The following NMNAT3 variants were observed in gnomAD, a reference collection of about 807,000 sequenced individuals.
The protein encoded by NMNAT3 is nicotinamide nucleotide adenylyltransferase 3.
In NMNAT3, 21 loss-of-function variants were observed where a neutral mutation model predicts 24.8. The observed-to-expected ratio is 0.85, with a 90% CI of 0.60 to 1.22. NMNAT3 has a LOEUF of 1.22. Ranked by LOEUF, NMNAT3 falls within the 50% of genes most tolerant of loss-of-function variation. NMNAT3 has a pLI of 0.00. For missense variants in NMNAT3, 387 were observed against 436.6 expected (o/e 0.89, Z 1.01); for synonymous variants, 136 against 155.2 (o/e 0.88, Z 0.92).
At chr3:139,591,585 G>T (rs1233415346) in intron 3 of NMNAT3, among the ~76,000 whole-genome samples, 3 of 152,240 alleles carry the variant, frequency 2.0e-5, no homozygotes, top group Non-Finnish European at 4.4e-5. Flanking sequence ...CAGCTTTGAA[G>T]AGAGCAGTGG....
chr3:139,649,373 C>G (rs777327189), intron 1 of NMNAT3, among the ~76,000 whole-genome samples: 1 of 151,936 alleles, frequency 6.6e-6, no homozygotes, highest in South Asian at 2.1e-4. Context: ...ACACCAAACT[C>G]CCTGGTGGTC....
chr3:139,561,079 A>G lies in NMNAT3; in HGVS notation c.972T>C (p.His324=). ...AGGTACTGCCCTTGGTGTAGAGGCC[A>G]TGGTCCTTGATGTACGTGATGACAG... Residue 324 remains histidine, a synonymous_variant, in exon 7 of 7, where the codon CAT becomes CAC. Coordinates refer to ENST00000643695, the MANE Select transcript of NMNAT3 (RefSeq NM_001320510.2). 6.2e-7 allele frequency: 1 copy of G among 1,613,982 alleles called. No individual in the cohort carries two copies. The highest frequency in any genetic ancestry group is 1.1e-5 in the South Asian group (1 of 91,062).
chr3:139,663,000 C>T (rs1194047094), intron 1 of NMNAT3, among the ~76,000 whole-genome samples: 1 of 152,192 alleles, frequency 6.6e-6, no homozygotes, highest in Non-Finnish European at 1.5e-5. Context: ...ATTGCTGTTG[C>T]AACTACTCCA....
intron 3 of NMNAT3, among the ~76,000 whole-genome samples, chr3:139,607,524 T>C (rs2055000823): frequency 6.6e-6 from 1 of 152,236 alleles, no homozygotes; most frequent in Admixed American, 6.5e-5. Context: ...CTGCTTTCCA[T>C]ATTACTGAGG....
At chr3:139,580,001 T>C (rs888751199) in intron 4 of NMNAT3, among the ~76,000 whole-genome samples, 1 of 152,216 alleles carries the variant, frequency 6.6e-6, no homozygotes, top group Non-Finnish European at 1.5e-5. Context: ...CTTTCTTGTG[T>C]ACTGGTGGGT....
intron 3 of NMNAT3, among the ~76,000 whole-genome samples, chr3:139,606,830 C>A (rs951130046): frequency 6.6e-6 from 1 of 151,770 alleles, no homozygotes; most frequent in Non-Finnish European, 1.5e-5. Context: ...GGGTGTAATC[C>A]CTTCTCATTA....
chr3:139,639,048 T>G (rs1388296589), intron 1 of NMNAT3, among the ~76,000 whole-genome samples: 1 of 152,204 alleles, frequency 6.6e-6, no homozygotes, highest in African/African-American at 2.4e-5. Flanking sequence ...TCAATGCCTA[T>G]TCCTTCCAAG....
At chr3:139,605,098 C>T (rs1333386290) in intron 3 of NMNAT3, among the ~76,000 whole-genome samples, 2 of 152,090 alleles carry the variant, frequency 1.3e-5, no homozygotes, top group African/African-American at 2.4e-5. Context: ...ATCTCAGGTT[C>T]GAATTGCTGC....
intron 1 of NMNAT3, chr3:139,672,674 A>T (rs981580455): frequency 2.0e-5 from 3 of 152,238 alleles, no homozygotes; most frequent in African/African-American, 7.2e-5. Context: ...TGCAGAGAAG[A>T]CGGCAGCTCA....
chr3:139,646,808 C>T (rs993820444), intron 1 of NMNAT3, among the ~76,000 whole-genome samples: 3 of 152,154 alleles, frequency 2.0e-5, no homozygotes, highest in South Asian at 2.1e-4. Flanking sequence ...AGTCCAAAAC[C>T]GTAATAGGCT....
intron 1 of NMNAT3, among the ~76,000 whole-genome samples, chr3:139,642,904 T>C (rs577392623): frequency 4.6e-5 from 7 of 152,304 alleles, no homozygotes; most frequent in African/African-American, 1.7e-4. Flanking sequence ...TCCATGCCTT[T>C]GATCCTGCTG....
At position 139,600,176 on chromosome 3, in the gene NMNAT3, G is replaced by A. The variant is rs185548612; in HGVS notation, c.110-16968C>T. Among the ~76,000 whole-genome samples, 31 of 152,302 alleles carry A rather than the reference G, an allele frequency of 2.0e-4. 2 individuals carry two copies. In the East Asian group the frequency reaches 2.3e-3, roughly 11 times the overall value. On this transcript the variant is annotated intron_variant, in intron 3 of 6. Coordinates refer to ENST00000643695, the MANE Select transcript of NMNAT3 (RefSeq NM_001320510.2). ...TCAGTGCCTGAGCTTGTCAGTATGAGGTTTCTCTTTCTTTATTTCCAAATG... is the reference window on the plus strand; with the variant it reads ...TCAGTGCCTGAGCTTGTCAGTATGAAGTTTCTCTTTCTTTATTTCCAAATG...
At chr3:139,648,201 T>C (rs7610739) in intron 1 of NMNAT3, among the ~76,000 whole-genome samples, 14,153 of 152,252 alleles carry the variant, frequency 0.093, 1,097 homozygotes, top group East Asian at 0.22. Context: ...TAAAAGTGGC[T>C]GTTTCCTCTG....
intron 3 of NMNAT3, chr3:139,599,562 A>C: frequency 1.6e-6 from 1 of 607,366 alleles, no homozygotes. Context: ...AAACATAAAA[A>C]AGACCAGAAT....
chr3:139,593,387 C>T (rs1441659014), intron 3 of NMNAT3, among the ~76,000 whole-genome samples: 4 of 152,030 alleles, frequency 2.6e-5, no homozygotes, highest in African/African-American at 9.7e-5. Flanking sequence ...CCACTGTCAA[C>T]ATTAGACAGA....
At chr3:139,626,492 T>C (rs906511082) in intron 3 of NMNAT3, among the ~76,000 whole-genome samples, 18 of 152,218 alleles carry the variant, frequency 1.2e-4, no homozygotes, top group African/African-American at 4.3e-4. Flanking sequence ...TTAACTTGAA[T>C]ATATAGCACA....
chr3:139,586,443 T>C lies in NMNAT3; in HGVS notation c.110-3235A>G, dbSNP rs77588251. Among the ~76,000 whole-genome samples the C allele has an allele frequency of 3.0e-3, 462 of 152,288 alleles. 1 individual carries two copies. The highest frequency in any genetic ancestry group is 0.01 in the African/African-American group (419 of 41,554). On this transcript the variant is annotated intron_variant, in intron 3 of 6. Transcript: ENST00000643695. ...ACTTTTTGTTGTTTTAATGGAAAAGTTGATCCTAAGAGTGTAGGCTGCCCC... is the reference window on the plus strand; with the variant it reads ...ACTTTTTGTTGTTTTAATGGAAAAGCTGATCCTAAGAGTGTAGGCTGCCCC...
intron 1 of NMNAT3, among the ~76,000 whole-genome samples, chr3:139,660,559 G>C (rs928366329): frequency 6.6e-6 from 1 of 152,114 alleles, no homozygotes; most frequent in Non-Finnish European, 1.5e-5. Context: ...ATGTTCAAAG[G>C]CTTATAGGAA....
At chr3:139,622,791 G>C (rs1183281047) in intron 3 of NMNAT3, among the ~76,000 whole-genome samples, 3 of 134,396 alleles carry the variant, frequency 2.2e-5, no homozygotes, top group Admixed American at 8.0e-5. Context: ...ATATATATAT[G>C]ATATATATGA....
Sources: allele counts gnomAD v4.1 joint callset (sites outside exome capture counted in the v4.1 genomes callset), GRCh38; gene constraint gnomAD v4.1.1; transcripts MANE v1.5; gene names NCBI Gene and HGNC (gene_info 2026-07-23, HGNC 2026-07-21).